Variants in CST5 observed in about 807,000 individuals in gnomAD.
CST5 encodes the protein cystatin D.
CST5 carries 13 observed loss-of-function variants against 11.5 expected under a neutral mutation model. The ratio of observed to expected loss-of-function variants is 1.13; its 90% confidence interval spans 0.73 to 1.79. CST5 has a LOEUF of 1.79. Ranked by LOEUF, CST5 falls within the 40% of genes most tolerant of loss-of-function variation. The probability of loss-of-function intolerance (pLI) is 0.00; values close to 1 mark genes in which losing one functional copy is unlikely to be tolerated. For missense variants in CST5, 219 were observed against 174.5 expected, an observed-to-expected ratio of 1.25 and a Z score of -1.44; for synonymous variants, 81 against 67.6, an observed-to-expected ratio of 1.20 and a Z score of -0.97.
At chr20:23,877,171 C>G (rs1312794220) in intron 2 of CST5, among the ~76,000 whole-genome samples, 2 of 151,870 alleles carry the variant, frequency 1.3e-5, no homozygotes, top group East Asian at 3.9e-4. Context: ...GTGCATCTTC[C>G]TCATGTATGC....
At chr20:23,878,507 G>A (rs576599113) in intron 1 of CST5, among the ~76,000 whole-genome samples, 9 of 152,240 alleles carry the variant, frequency 5.9e-5, no homozygotes, top group East Asian at 1.9e-4. Context: ...TGATCCCTCC[G>A]GTGTCAGTCT....
intron 2 of CST5, among the ~76,000 whole-genome samples, chr20:23,877,197 T>C (rs1353542897): frequency 6.6e-6 from 1 of 151,686 alleles, no homozygotes. Context: ...TATGCATCTT[T>C]CTACATGCAT....
In CST5 at chr20:23,876,155, A is replaced by G. The variant is rs1269290435; in HGVS notation, c.*33T>C. On this transcript the variant is annotated 3_prime_UTR_variant, in exon 3 of 3. Transcript: ENST00000304710. ...GAGCACTACAGGGGGTGGGAGTAGG[A>G]GGTGGTCAGTGTGACAGGCCTTGCA... 3.8e-6 allele frequency: 6 copies of G among 1,558,652 alleles called. No individual in the cohort carries two copies. Among genetic ancestry groups the G allele is most frequent in the Non-Finnish European group, 5.3e-6 (6 of 1,130,622 alleles).
chr20:23,877,690 T>G, intron 1 of CST5, 72 bp from the exon 2 acceptor site: 1 of 1,275,322 alleles, frequency 7.8e-7, no homozygotes. Context: ...CACTTCACTG[T>G]GACTGAGTCA....
In CST5 at chr20:23,879,521, G is replaced by A. The variant is rs202048792; in HGVS notation, c.156C>T (p.Ile52=). 2.8e-5 allele frequency: 46 copies of A among 1,614,060 alleles called. No homozygotes were observed. In the African/African-American group the frequency reaches 5.9e-4, roughly 21 times the overall value. Residue 52 remains isoleucine, a synonymous_variant, in exon 1 of 3, where the codon ATC becomes ATT. Coordinates refer to ENST00000304710, the MANE Select transcript of CST5 (RefSeq NM_001900.5). The stretch of plus-strand genomic sequence containing the variant: ...TATTAATGACCTTGTTGTACTCGCT[G>A]ATGGCAAAGTCCAGGGCACACTGCA... ...KSVQCALDFA[I]SEYNKVINKD...
intron 1 of CST5, among the ~76,000 whole-genome samples, chr20:23,878,042 A>G (rs1342477215): frequency 2.0e-5 from 3 of 152,124 alleles, no homozygotes. Context: ...GATTAACTGA[A>G]TTCTGCTACC....
At chr20:23,876,417 G>A (rs753740217) in intron 2 of CST5, 146 bp from the exon 3 acceptor site, 3 of 619,856 alleles carry the variant, frequency 4.8e-6, no homozygotes, top group Non-Finnish European at 8.6e-6. Flanking sequence ...CGAGTTCCAG[G>A]GCACTGAGCC....
Position 23,879,746 on chromosome 20 carries a change from A to C in CST5, c.-70T>G. 1 of 1,474,004 alleles carries C rather than the reference A, an allele frequency of 6.8e-7. No individual in the cohort carries two copies. Among genetic ancestry groups the C allele is most frequent in the Non-Finnish European group, 9.3e-7 (1 of 1,076,838 alleles). The allele number at this position is 1,474,004 out of a possible 1,614,324, so 91.3% of individuals were successfully genotyped here. On this transcript the variant is annotated 5_prime_UTR_variant, in exon 1 of 3. Coordinates refer to ENST00000304710, the MANE Select transcript of CST5 (RefSeq NM_001900.5). Reference sequence around the variant, plus strand: ...AAAGCAGCAGAAGGCTGAGGCAGGAAGCCCAGGCCAGAAGCTAGCTGTGCA... The same window carrying C: ...AAAGCAGCAGAAGGCTGAGGCAGGACGCCCAGGCCAGAAGCTAGCTGTGCA...
rs1470095989 is a variant in CST5 at position 23,876,246 on chromosome 20, T to C, written c.371A>G (p.Asn124Ser). 1 of 1,613,668 alleles carries C rather than the reference T, an allele frequency of 6.2e-7. No homozygotes were observed. Among genetic ancestry groups the C allele is most frequent in the Non-Finnish European group, 8.5e-7 (1 of 1,179,634 alleles). The change falls in exon 3 of 3, where the codon AAT becomes AGT. Residue 124 changes from asparagine (N) to serine (S), a missense_variant. By Grantham distance (46) the Asn-to-Ser change is conservative. Transcript: ENST00000304710. ...KEEEFCSFQINEVPWEDKISI... is the reference protein window; with the variant it reads ...KEEEFCSFQISEVPWEDKISI... ...AATTTTATCCTCCCAGGGAACTTCA[T>C]TGATCTGGAAAGAGCAGAACTCTTC...
chr20:23,879,741 C>A lies in CST5; in HGVS notation c.-65G>T. On this transcript the variant is annotated 5_prime_UTR_variant, in exon 1 of 3. Coordinates refer to ENST00000304710, the MANE Select transcript of CST5 (RefSeq NM_001900.5). The stretch of plus-strand genomic sequence containing the variant: ...AGAGCAAAGCAGCAGAAGGCTGAGG[C>A]AGGAAGCCCAGGCCAGAAGCTAGCT... 4.0e-6 allele frequency: 6 copies of A among 1,495,078 alleles called. No homozygotes were observed. Among genetic ancestry groups the A allele is most frequent in the Non-Finnish European group, 4.6e-6 (5 of 1,092,564 alleles). 92.6% of individuals were successfully genotyped at this position (1,495,078 alleles called of 1,614,324 possible). A position where few individuals can be genotyped will look rare whatever the true frequency, so the allele number is the denominator to read the frequency against.
Position 23,877,744 on chromosome 20 carries a change from G to A in CST5, c.232-126C>T, listed in dbSNP as rs1446364276. 20 of 725,936 alleles carry A rather than the reference G, an allele frequency of 2.8e-5. No individual in the cohort carries two copies. In the Admixed American group the frequency reaches 3.5e-4, roughly 13 times the overall value. The allele number at this position is 725,936 out of a possible 1,614,324, so 45.0% of individuals were successfully genotyped here. On this transcript the variant is annotated intron_variant, in intron 1 of 2. Transcript: ENST00000304710. Reference sequence around the variant, plus strand: ...TCATGCCCACACTGTCACCCAAAAGGCACACAAGCCACCTTCTCCTGCTGG... The same window carrying A: ...TCATGCCCACACTGTCACCCAAAAGACACACAAGCCACCTTCTCCTGCTGG...
At chr20:23,879,340 A>T in intron 1 of CST5, 106 bp downstream of exon 1, 2 of 842,570 alleles carry the variant, frequency 2.4e-6, no homozygotes, top group Non-Finnish European at 2.0e-6. Flanking sequence ...GAGAAAGCTG[A>T]ATGAGTCTGC....
intron 1 of CST5, 146 bp from the exon 2 acceptor site, chr20:23,877,764 T>C: frequency 1.5e-6 from 1 of 661,388 alleles, no homozygotes; most frequent in East Asian, 2.7e-5. Flanking sequence ...CACCTTCTCC[T>C]GCTGGCTGGC....
Position 23,876,090 on chromosome 20 carries a change from G to A in CST5, c.*98C>T, listed in dbSNP as rs1441402167. On this transcript the variant is annotated 3_prime_UTR_variant, in exon 3 of 3. Coordinates refer to ENST00000304710, the MANE Select transcript of CST5 (RefSeq NM_001900.5). ...CTGTCTCCTGGTGCAGGCGCATGAGGAGACCTCCCCCAGGGTGGGGGCCAC... is the reference window on the plus strand; with the variant it reads ...CTGTCTCCTGGTGCAGGCGCATGAGAAGACCTCCCCCAGGGTGGGGGCCAC... 29 of 912,412 alleles carry A rather than the reference G, an allele frequency of 3.2e-5. No individual in the cohort carries two copies. The highest frequency in any genetic ancestry group is 4.7e-5 in the Non-Finnish European group (27 of 576,542). The allele number at this position is 912,412 out of a possible 1,614,324, so 56.5% of individuals were successfully genotyped here. A position where few individuals can be genotyped will look rare whatever the true frequency, so the allele number is the denominator to read the frequency against.
intron 1 of CST5, among the ~76,000 whole-genome samples, chr20:23,878,014 C>T (rs889982415): frequency 2.6e-5 from 4 of 152,302 alleles, no homozygotes; most frequent in South Asian, 2.1e-4. Flanking sequence ...CAAGTGAATG[C>T]TCTTTCCCAC....
intron 2 of CST5, among the ~76,000 whole-genome samples, chr20:23,876,805 C>T (rs1421926776): frequency 6.6e-6 from 1 of 152,152 alleles, no homozygotes; most frequent in Non-Finnish European, 1.5e-5. Flanking sequence ...AGGTCCAGGG[C>T]TTCTCAGCTA....
chr20:23,876,142 G>A lies in CST5; in HGVS notation c.*46C>T. On this transcript the variant is annotated 3_prime_UTR_variant, in exon 3 of 3. Transcript: ENST00000304710. ...AGTCCAGGGGTGGGAGCACTACAGG[G>A]GGTGGGAGTAGGAGGTGGTCAGTGT... The A allele has an allele frequency of 6.7e-7, 1 of 1,499,624 alleles. No homozygotes were observed. The allele number at this position is 1,499,624 out of a possible 1,614,324, so 92.9% of individuals were successfully genotyped here.
intron 1 of CST5, among the ~76,000 whole-genome samples, chr20:23,878,867 C>T (rs1986019022): frequency 6.6e-6 from 1 of 152,230 alleles, no homozygotes; most frequent in African/African-American, 2.4e-5. Flanking sequence ...TGGGTGATTG[C>T]TGTCCTCATT....
chr20:23,877,427 GCACACACACATACA>G (rs1985986227), intron 2 of CST5, 64 bp downstream of exon 2: 3 of 1,116,498 alleles, frequency 2.7e-6, no homozygotes, highest in Admixed American at 3.5e-5. Flanking sequence ...ACAGATGCGT[GCACACACACATACA>G]CACACACACA....
Sources: gnomAD v4.1 joint callset for allele counts (sites outside exome capture counted in the v4.1 genomes callset) on GRCh38, gnomAD v4.1.1 for gene constraint, MANE v1.5 for transcripts, NCBI Gene and HGNC (gene_info 2026-07-23, HGNC 2026-07-21) for gene names.